The following NLGN1 variants were observed in gnomAD, a reference collection of about 807,000 sequenced individuals.
NLGN1 encodes the protein neuroligin 1, also known as neuroligin-1.
NLGN1 carries 12 observed loss-of-function variants against 65.5 expected under a neutral mutation model. The observed-to-expected ratio is 0.18, with a 90% confidence interval of 0.12 to 0.30. NLGN1 has a LOEUF of 0.30. Among genes scored for constraint, NLGN1 ranks in the 10% least tolerant of loss-of-function variants. The pLI is 1.00. For synonymous variants in NLGN1, 350 were observed against 359.5 expected (o/e 0.97, Z 0.30); for missense variants, 750 against 1,007.1 (o/e 0.74, Z 3.46).
intron 4 of NLGN1, among the ~76,000 whole-genome samples, chr3:173,908,958 C>T (rs1055976785): frequency 3.9e-5 from 6 of 152,036 alleles, no homozygotes; most frequent in African/African-American, 1.2e-4. Context: ...TGGCCAGACT[C>T]AAGTAGCTTA....
chr3:173,998,746 A>G (rs1040124758), intron 4 of NLGN1, among the ~76,000 whole-genome samples: 8 of 152,138 alleles, frequency 5.3e-5, no homozygotes, highest in African/African-American at 9.7e-5. Flanking sequence ...TCCCTGTTCT[A>G]TGACTGCTCC....
chr3:174,274,978 C>T (rs1750258091), intron 4 of NLGN1, among the ~76,000 whole-genome samples: 1 of 151,790 alleles, frequency 6.6e-6, no homozygotes, highest in South Asian at 2.1e-4. Context: ...CACATGAACC[C>T]TATGATACTA....
rs148810752 is a variant in NLGN1 at position 173,850,547 on chromosome 3, A to G, written c.646+42715A>G. 5.3e-4 allele frequency among the ~76,000 whole-genome samples: 80 copies of G among 152,214 alleles called. 1 individual carries two copies. The East Asian group carries it at 0.014, about 26-fold the overall frequency. On this transcript the variant is annotated intron_variant, in intron 4 of 6. Coordinates refer to ENST00000457714, the Ensembl canonical transcript of NLGN1. Reference sequence around the variant, plus strand: ...GTATTTTATTTTTACTCTATCTGCAATTTAGTGTAAAGAATGAGAGACATT... The same window carrying G: ...GTATTTTATTTTTACTCTATCTGCAGTTTAGTGTAAAGAATGAGAGACATT...
At chr3:174,150,396 G>T (rs1303514555) in intron 4 of NLGN1, among the ~76,000 whole-genome samples, 2 of 152,118 alleles carry the variant, frequency 1.3e-5, no homozygotes, top group East Asian at 1.9e-4. Flanking sequence ...TATGTTGTGG[G>T]GGACTCTCTT....
At chr3:173,657,529 T>C (rs1760245966) in intron 3 of NLGN1, among the ~76,000 whole-genome samples, 1 of 151,980 alleles carries the variant, frequency 6.6e-6, no homozygotes, top group East Asian at 1.9e-4. Context: ...TAAGGGGCAC[T>C]GGGCAGTGGG....
At chr3:173,871,095 T>C (rs1274077827) in intron 4 of NLGN1, among the ~76,000 whole-genome samples, 3 of 152,094 alleles carry the variant, frequency 2.0e-5, no homozygotes, top group Non-Finnish European at 4.4e-5. Context: ...ACGATGAAGC[T>C]TCTATTAAAA....
At chr3:173,798,748 G>C (rs1462523781) in intron 3 of NLGN1, among the ~76,000 whole-genome samples, 1 of 151,978 alleles carries the variant, frequency 6.6e-6, no homozygotes, top group South Asian at 2.1e-4. Context: ...CCTTGAAACC[G>C]TGACCTTTCA....
At chr3:173,478,331 T>A (rs930069511) in intron 2 of NLGN1, among the ~76,000 whole-genome samples, 4 of 152,064 alleles carry the variant, frequency 2.6e-5, no homozygotes, top group Admixed American at 2.6e-4. Flanking sequence ...ATGTTCTCCC[T>A]TATAAGTAGG....
intron 3 of NLGN1, among the ~76,000 whole-genome samples, chr3:173,776,482 G>A (rs755866277): frequency 7.9e-5 from 12 of 151,972 alleles, no homozygotes; most frequent in South Asian, 2.1e-4. Flanking sequence ...TAAAATCAGC[G>A]GGCATTGATG....
chr3:173,650,901 A>G (rs1577738642), intron 3 of NLGN1, among the ~76,000 whole-genome samples: 1 of 150,392 alleles, frequency 6.6e-6, no homozygotes, highest in East Asian at 1.9e-4. Flanking sequence ...TTTTGGAGGG[A>G]TTTTCTAACT....
At chr3:173,611,362 C>T (rs1752263099) in intron 3 of NLGN1, among the ~76,000 whole-genome samples, 1 of 151,918 alleles carries the variant, frequency 6.6e-6, no homozygotes, top group Non-Finnish European at 1.5e-5. Flanking sequence ...CCAACTGTTT[C>T]CTTTGAAAGA....
chr3:174,241,655 T>C (rs1561368796), intron 4 of NLGN1, among the ~76,000 whole-genome samples: 1 of 151,972 alleles, frequency 6.6e-6, no homozygotes, highest in African/African-American at 2.4e-5. Context: ...CATATCTTTT[T>C]TTTTTTTTTT....
At chr3:173,891,013 G>A (rs552610804) in intron 4 of NLGN1, among the ~76,000 whole-genome samples, 1 of 152,270 alleles carries the variant, frequency 6.6e-6, no homozygotes, top group Admixed American at 6.5e-5. Flanking sequence ...GTGGAGATCA[G>A]CAGACATAAC....
At chr3:173,650,757 C>T (rs991811058) in intron 3 of NLGN1, among the ~76,000 whole-genome samples, 26 of 152,052 alleles carry the variant, frequency 1.7e-4, no homozygotes, top group African/African-American at 5.8e-4. Context: ...TTACTATACA[C>T]GAAGTTTTCA....
At chr3:173,596,889 G>T (rs1749581310) in intron 2 of NLGN1, among the ~76,000 whole-genome samples, 1 of 152,066 alleles carries the variant, frequency 6.6e-6, no homozygotes, top group Non-Finnish European at 1.5e-5. Flanking sequence ...TCAACATTAG[G>T]ATTACCATTT....
chr3:173,781,280 A>G (rs12495045), intron 3 of NLGN1, among the ~76,000 whole-genome samples: 1 of 151,944 alleles, frequency 6.6e-6, no homozygotes, highest in Non-Finnish European at 1.5e-5. Flanking sequence ...CTTCCAGGAA[A>G]TATCTGTGTA....
chr3:173,971,766 G>A (rs1454643672), intron 4 of NLGN1, among the ~76,000 whole-genome samples: 1 of 151,994 alleles, frequency 6.6e-6, no homozygotes, highest in Non-Finnish European at 1.5e-5. Flanking sequence ...GCCAATACTT[G>A]TGTACATATA....
At chr3:173,758,161 A>G (rs1409368324) in intron 3 of NLGN1, among the ~76,000 whole-genome samples, 2 of 152,066 alleles carry the variant, frequency 1.3e-5, no homozygotes, top group East Asian at 3.9e-4. Flanking sequence ...AGCAAAGGCT[A>G]TGTGAGGACA....
At chr3:173,511,557 A>G (rs1399866820) in intron 2 of NLGN1, among the ~76,000 whole-genome samples, 1 of 152,106 alleles carries the variant, frequency 6.6e-6, no homozygotes, top group Non-Finnish European at 1.5e-5. Flanking sequence ...TGCTTCAAAT[A>G]TTGCTTCTGT....
Sources: gnomAD v4.1 joint callset for allele counts (sites outside exome capture counted in the v4.1 genomes callset) on GRCh38, gnomAD v4.1.1 for gene constraint, MANE v1.5 for transcripts, NCBI Gene and HGNC (gene_info 2026-07-23, HGNC 2026-07-21) for gene names.